The following FTO variants were observed in gnomAD, a reference collection of about 807,000 sequenced individuals.
FTO encodes FTO alpha-ketoglutarate dependent dioxygenase.
A neutral mutation model predicts 63.9 loss-of-function variants in FTO; 47 were observed. The ratio of observed to expected loss-of-function variants is 0.74; its 90% confidence interval spans 0.58 to 0.94. FTO has a LOEUF of 0.94. Among genes scored for constraint, FTO ranks in the 40% least tolerant of loss-of-function variants. FTO has a pLI of 0.00. For synonymous variants in FTO, 207 were observed against 224.4 expected, an observed-to-expected ratio of 0.92 and a Z score of 0.69; for missense variants, 562 against 618.1, an observed-to-expected ratio of 0.91 and a Z score of 0.96.
At chr16:53,796,581 A>C (rs2078077961) in intron 1 of FTO, among the ~76,000 whole-genome samples, 1 of 152,218 alleles carries the variant, frequency 6.6e-6, no homozygotes, top group South Asian at 2.1e-4. Context: ...AGAAAATATG[A>C]TACATTTGAG....
chr16:53,741,271 G>C (rs1202987882), intron 1 of FTO, among the ~76,000 whole-genome samples: 2 of 152,156 alleles, frequency 1.3e-5, no homozygotes, highest in African/African-American at 4.8e-5. Context: ...CTGACCCTTG[G>C]TCTATACCCT....
At chr16:54,035,923 G>A (rs994749097) in intron 8 of FTO, among the ~76,000 whole-genome samples, 35 of 152,064 alleles carry the variant, frequency 2.3e-4, no homozygotes, top group African/African-American at 7.7e-4. Flanking sequence ...TTTGAGGTCG[G>A]GATTTTGTTT....
chr16:53,834,343 T>G (rs1012907432), intron 3 of FTO, among the ~76,000 whole-genome samples: 2 of 152,166 alleles, frequency 1.3e-5, no homozygotes, highest in Non-Finnish European at 2.9e-5. Context: ...GATGATATAT[T>G]AATGTGATGA....
intron 7 of FTO, among the ~76,000 whole-genome samples, chr16:53,892,671 C>T (rs533627796): frequency 9.2e-5 from 14 of 152,046 alleles, no homozygotes; most frequent in African/African-American, 3.4e-4. Context: ...AAAATAACAT[C>T]GATCTCTTTT....
intron 1 of FTO, among the ~76,000 whole-genome samples, chr16:53,709,304 T>C (rs1450379946): frequency 6.6e-6 from 1 of 152,250 alleles, no homozygotes; most frequent in Admixed American, 6.5e-5. Flanking sequence ...GAGAATACTA[T>C]ACGGTATTCA....
chr16:53,722,827 CAAA>C (rs34522072), intron 1 of FTO, among the ~76,000 whole-genome samples: 5 of 141,600 alleles, frequency 3.5e-5, no homozygotes, highest in Admixed American at 1.4e-4. Context: ...GACGCCACCT[CAAA>C]AAAAAAAAAA....
At position 54,005,519 on chromosome 16, in the gene FTO, T is replaced by C. The variant is rs181451701; in HGVS notation, c.1364+71410T>C. On this transcript the variant is annotated intron_variant, in intron 8 of 8. Transcript: ENST00000471389. ...GTGTCCCAAATACATGTAATACATATTACTTTTCATCTCATTTAAACCTCA... is the reference window on the plus strand; with the variant it reads ...GTGTCCCAAATACATGTAATACATACTACTTTTCATCTCATTTAAACCTCA... Among the ~76,000 whole-genome samples, 626 of 152,050 alleles carry C rather than the reference T, an allele frequency of 4.1e-3. 5 individuals are homozygous for C. Among genetic ancestry groups the C allele is most frequent in the African/African-American group, 0.014 (598 of 41,522 alleles).
intron 2 of FTO, among the ~76,000 whole-genome samples, chr16:53,810,545 G>A (rs1392602315): frequency 6.6e-6 from 1 of 152,116 alleles, no homozygotes; most frequent in East Asian, 1.9e-4. Context: ...CAAGAGTTCA[G>A]TTAAACATCA....
chr16:53,912,774 G>C (rs2081745322), intron 7 of FTO, among the ~76,000 whole-genome samples: 1 of 152,148 alleles, frequency 6.6e-6, no homozygotes, highest in Non-Finnish European at 1.5e-5. Context: ...CCATTTTCCT[G>C]GGTAGTGCTG....
chr16:53,763,123 G>A (rs912182796), intron 1 of FTO, among the ~76,000 whole-genome samples: 2 of 152,142 alleles, frequency 1.3e-5, no homozygotes, highest in African/African-American at 4.8e-5. Flanking sequence ...ATTTAGGAAA[G>A]GTTTGGAAGA....
At chr16:53,735,976 G>C (rs138463984) in intron 1 of FTO, among the ~76,000 whole-genome samples, 35 of 152,140 alleles carry the variant, frequency 2.3e-4, no homozygotes, top group African/African-American at 8.2e-4. Context: ...ATAAAATGGA[G>C]ATAATATATC....
chr16:53,969,538 T>C (rs1344145006), intron 8 of FTO, among the ~76,000 whole-genome samples: 2 of 152,230 alleles, frequency 1.3e-5, no homozygotes, highest in Non-Finnish European at 2.9e-5. Flanking sequence ...TAATATATAC[T>C]GTCATTGGTA....
At chr16:53,998,132 C>T (rs1599171726) in intron 8 of FTO, among the ~76,000 whole-genome samples, 2 of 152,196 alleles carry the variant, frequency 1.3e-5, no homozygotes, top group South Asian at 4.2e-4. Flanking sequence ...AAGGGAAGTA[C>T]GCTTCTAGGG....
intron 1 of FTO, among the ~76,000 whole-genome samples, chr16:53,764,881 G>T (rs1428455791): frequency 6.6e-6 from 1 of 151,818 alleles, no homozygotes; most frequent in Non-Finnish European, 1.5e-5. Flanking sequence ...CACCATGCCT[G>T]GCTAATTTTT....
intron 3 of FTO, among the ~76,000 whole-genome samples, chr16:53,834,479 T>G (rs562700770): frequency 6.6e-6 from 1 of 152,320 alleles, no homozygotes; most frequent in East Asian, 1.9e-4. Flanking sequence ...TTAAGCAAGT[T>G]ACTTAAATTC....
chr16:54,100,225 C>T (rs1315008977), intron 8 of FTO, among the ~76,000 whole-genome samples: 1 of 152,188 alleles, frequency 6.6e-6, no homozygotes, highest in Non-Finnish European at 1.5e-5. Flanking sequence ...CTGACCCTAT[C>T]CCTTGTTTGG....
intron 1 of FTO, among the ~76,000 whole-genome samples, chr16:53,783,092 A>C (rs1404702074): frequency 3.9e-5 from 6 of 152,216 alleles, no homozygotes; most frequent in Non-Finnish European, 8.8e-5. Context: ...GGTACGAATG[A>C]GATATGGTGC....
chr16:54,017,328 T>G (rs2084473938), intron 8 of FTO, among the ~76,000 whole-genome samples: 1 of 152,206 alleles, frequency 6.6e-6, no homozygotes, highest in Admixed American at 6.5e-5. Flanking sequence ...AAGCAAGCAG[T>G]TAATCTACAG....
chr16:53,909,051 TC>T (rs200194670), intron 7 of FTO, among the ~76,000 whole-genome samples: 2,352 of 152,314 alleles, frequency 0.015, 25 homozygotes, highest in Middle Eastern at 0.037. Context: ...GCATCCCATA[TC>T]CCTCTTGCTT....
Sources: gnomAD v4.1 joint callset for allele counts (sites outside exome capture counted in the v4.1 genomes callset) on GRCh38, gnomAD v4.1.1 for gene constraint, MANE v1.5 for transcripts, NCBI Gene and HGNC (gene_info 2026-07-23, HGNC 2026-07-21) for gene names.